Variants in KIAA1217 observed in about 807,000 individuals in gnomAD.
KIAA1217 encodes the protein sickle tail protein homolog.
A neutral mutation model predicts 163.9 loss-of-function variants in KIAA1217; 88 were observed. That is an observed-to-expected ratio of 0.54 (90% CI 0.45 to 0.64). KIAA1217 has a LOEUF of 0.64. Among genes scored for constraint, KIAA1217 ranks in the 30% least tolerant of loss-of-function variants. The pLI, the probability that KIAA1217 is intolerant of heterozygous loss-of-function variation, is 0.00. For missense variants in KIAA1217, 2,372 were observed against 2,475.0 expected (o/e 0.96, Z 0.88); for synonymous variants, 903 against 923.1 (o/e 0.98, Z 0.39).
At chr10:24,114,816 G>A (rs938245366) in intron 2 of KIAA1217, among the ~76,000 whole-genome samples, 1 of 152,132 alleles carries the variant, frequency 6.6e-6, no homozygotes, top group Non-Finnish European at 1.5e-5. Flanking sequence ...ATCCTGACAA[G>A]AGCCTCGCAC....
rs1406994331 is a variant in KIAA1217 at position 24,381,062 on chromosome 10, C to A, written c.548C>A (p.Ser183Tyr). The A allele has an allele frequency of 2.6e-6, 4 of 1,556,326 alleles. No individual in the cohort carries two copies. In the Admixed American group the frequency reaches 7.7e-5, roughly 30 times the overall value. The change falls in exon 3 of 21, where the codon TCT (serine) becomes TAT (tyrosine). Residue 183 changes from serine (S) to tyrosine (Y), a missense_variant. Around this residue, in one of 3 missense-constraint regions of KIAA1217, gnomAD observed 1,431 missense variants for 1,470.3 expected, o/e 0.97. Coordinates refer to ENST00000376454, the MANE Select transcript of KIAA1217 (RefSeq NM_019590.5). The part of the protein sequence containing the change: ...VRSTNQTKER[S>Y]LGVLYLQYGD... ...TCAACCAACCAGACGAAAGAAAGAT[C>A]TCTGGGTAAGCTTTAGAAGGCAGTT...
rs1374398383 is a variant in KIAA1217, at chr10:23,798,966, T to C, written c.-321+103732T>C. On this transcript the variant is annotated intron_variant, in intron 1 of 18. Transcript: ENST00000376462. Reference sequence around the variant, plus strand: ...TCTCACATTTCTGGAGGCTAGAAATTCAAGATTGAGATGTCAGCAGGGCCG... The same window carrying C: ...TCTCACATTTCTGGAGGCTAGAAATCCAAGATTGAGATGTCAGCAGGGCCG... Among the ~76,000 whole-genome samples the C allele has an allele frequency of 3.3e-5, 5 of 152,106 alleles. No homozygotes were observed. In the East Asian group the frequency reaches 9.6e-4, roughly 29 times the overall value.
At chr10:24,365,881 T>A (rs190089668) in intron 2 of KIAA1217, among the ~76,000 whole-genome samples, 10 of 152,318 alleles carry the variant, frequency 6.6e-5, no homozygotes, top group African/African-American at 2.4e-4. Flanking sequence ...CTAAGTAATA[T>A]ACACACATAT....
chr10:23,892,387 A>G (rs1841452876), intron 1 of KIAA1217, among the ~76,000 whole-genome samples: 1 of 151,930 alleles, frequency 6.6e-6, no homozygotes, highest in South Asian at 2.1e-4. Context: ...AATTATCAGT[A>G]CAGTAAACTG....
chr10:24,383,717 C>G (rs998939666), intron 3 of KIAA1217, among the ~76,000 whole-genome samples: 3 of 152,152 alleles, frequency 2.0e-5, no homozygotes, highest in African/African-American at 7.2e-5. Flanking sequence ...AGTTTCTTGC[C>G]AAAGCCAAGG....
intron 2 of KIAA1217, among the ~76,000 whole-genome samples, chr10:24,372,321 G>A (rs767631247): frequency 2.6e-5 from 4 of 152,148 alleles, no homozygotes; most frequent in Non-Finnish European, 4.4e-5. Context: ...CAACAACTGA[G>A]AAGGCGCAAG....
At chr10:23,727,793 T>A (rs1838255847) in intron 1 of KIAA1217, among the ~76,000 whole-genome samples, 1 of 152,096 alleles carries the variant, frequency 6.6e-6, no homozygotes. Context: ...CTATCCCTCC[T>A]CTAGACCCCC....
intron 3 of KIAA1217, among the ~76,000 whole-genome samples, chr10:24,390,477 G>GAAGA (rs2054732772): frequency 1.0e-5 from 1 of 99,460 alleles, no homozygotes; most frequent in Admixed American, 9.7e-5. Flanking sequence ...GGGAGGGAGG[G>GAAGA]AAGGAAGGAA....
chr10:23,879,886 G>GAGTGT (rs1444086820), intron 1 of KIAA1217, among the ~76,000 whole-genome samples: 1 of 151,952 alleles, frequency 6.6e-6, no homozygotes, highest in South Asian at 2.1e-4. Context: ...GGAAGAAAGG[G>GAGTGT]ATGTGTATGC....
intron 2 of KIAA1217, among the ~76,000 whole-genome samples, chr10:24,112,972 G>A (rs2062913363): frequency 6.6e-6 from 1 of 152,120 alleles, no homozygotes; most frequent in African/African-American, 2.4e-5. Flanking sequence ...ATTGGAGTGA[G>A]AAACCAAGGC....
chr10:24,494,178 C>T lies in KIAA1217; in HGVS notation c.1680-322C>T, dbSNP rs1008847296. On this transcript the variant is annotated intron_variant, in intron 6 of 20. Transcript: ENST00000376454. ...AATGCTAGGGAACAGCCCTTTTGTGCAAGGTGAAAGAAAGAAAGCAGGGCA... is the reference window on the plus strand; with the variant it reads ...AATGCTAGGGAACAGCCCTTTTGTGTAAGGTGAAAGAAAGAAAGCAGGGCA... 5.9e-5 allele frequency among the ~76,000 whole-genome samples: 9 copies of T among 152,140 alleles called. No homozygotes were observed. The South Asian group carries it at 1.9e-3, about 32-fold the overall frequency.
At chr10:24,268,106 C>T (rs2076408930) in intron 2 of KIAA1217, among the ~76,000 whole-genome samples, 2 of 152,116 alleles carry the variant, frequency 1.3e-5, no homozygotes, top group African/African-American at 4.8e-5. Context: ...AAAAAACACA[C>T]ACAAAGCTGT....
At chr10:24,123,303 T>C (rs1293103713) in intron 2 of KIAA1217, among the ~76,000 whole-genome samples, 1 of 152,172 alleles carries the variant, frequency 6.6e-6, no homozygotes, top group Non-Finnish European at 1.5e-5. Context: ...TTTGGGCATG[T>C]ATTTATATTG....
At chr10:24,110,016 A>T (rs1055159338) in intron 2 of KIAA1217, among the ~76,000 whole-genome samples, 32 of 152,318 alleles carry the variant, frequency 2.1e-4, no homozygotes, top group African/African-American at 7.5e-4. Context: ...CAGGCACGCC[A>T]CTATGCGTAG....
At chr10:24,390,854 A>G (rs2130807738) in intron 3 of KIAA1217, among the ~76,000 whole-genome samples, 1 of 152,330 alleles carries the variant, frequency 6.6e-6, no homozygotes, top group Admixed American at 6.5e-5. Context: ...ATTTTCATAT[A>G]TGAGGCTTGC....
chr10:24,239,865 T>C (rs1218012529), intron 2 of KIAA1217, among the ~76,000 whole-genome samples: 1 of 152,156 alleles, frequency 6.6e-6, no homozygotes, highest in Admixed American at 6.5e-5. Flanking sequence ...TTTAAAAGTA[T>C]GTATCTGATG....
chr10:24,168,079 G>A (rs889208665), intron 2 of KIAA1217, among the ~76,000 whole-genome samples: 1 of 152,164 alleles, frequency 6.6e-6, no homozygotes, highest in African/African-American at 2.4e-5. Flanking sequence ...TTAATGGATA[G>A]AACATAAGGA....
At chr10:24,396,128 G>A (rs1378647094) in intron 3 of KIAA1217, among the ~76,000 whole-genome samples, 1 of 152,188 alleles carries the variant, frequency 6.6e-6, no homozygotes, top group Non-Finnish European at 1.5e-5. Flanking sequence ...CCTGAGGTCA[G>A]GAGTTCGAGA....
intron 2 of KIAA1217, among the ~76,000 whole-genome samples, chr10:24,319,115 C>T (rs965232595): frequency 1.3e-5 from 2 of 152,110 alleles, no homozygotes; most frequent in African/African-American, 4.8e-5. Context: ...TGGTGGCTCA[C>T]GCCTGTAATC....
Sources: allele counts gnomAD v4.1 joint callset (sites outside exome capture counted in the v4.1 genomes callset), GRCh38; gene constraint gnomAD v4.1.1; regional missense constraint gnomAD v4.1.1; transcripts MANE v1.5; gene names NCBI Gene and HGNC (gene_info 2026-07-23, HGNC 2026-07-21).